Variants in MRPS28 observed in about 807,000 individuals in gnomAD.
MRPS28 encodes mitochondrial ribosomal protein S28.
MRPS28 carries 7 observed loss-of-function variants against 10.8 expected under a neutral mutation model. The observed-to-expected ratio is 0.65, with a 90% confidence interval of 0.37 to 1.22. The LOEUF is 1.22. Among genes scored for constraint, MRPS28 ranks in the 50% most tolerant of loss-of-function variants. The pLI is 0.02. For missense variants in MRPS28, 265 were observed against 232.9 expected, an observed-to-expected ratio of 1.14 and a Z score of -0.90; for synonymous variants, 121 against 93.3, an observed-to-expected ratio of 1.30 and a Z score of -1.71.
At chr8:79,955,874 C>T (rs1167847676) in intron 2 of MRPS28, among the ~76,000 whole-genome samples, 4 of 152,156 alleles carry the variant, frequency 2.6e-5, no homozygotes, top group African/African-American at 9.7e-5. Flanking sequence ...TATCACTGGA[C>T]AGTACTAAAA....
At chr8:79,963,060 T>A (rs1342393711) in intron 2 of MRPS28, among the ~76,000 whole-genome samples, 1 of 152,084 alleles carries the variant, frequency 6.6e-6, no homozygotes, top group East Asian at 1.9e-4. Context: ...CAAGGAAAAT[T>A]ACGTTATGAG....
At chr8:80,029,840 G>A (rs1474339137) in intron 1 of MRPS28, 196 bp downstream of exon 1, 2 of 1,534,354 alleles carry the variant, frequency 1.3e-6, no homozygotes, top group Admixed American at 2.0e-5. Flanking sequence ...CACACAAAAG[G>A]ACAACGAAAG....
chr8:79,997,251 T>C (rs1178033785), intron 2 of MRPS28, among the ~76,000 whole-genome samples: 2 of 152,134 alleles, frequency 1.3e-5, no homozygotes, highest in African/African-American at 2.4e-5. Context: ...CACAGAAAGG[T>C]TCATGGTAAA....
intron 2 of MRPS28, among the ~76,000 whole-genome samples, chr8:79,993,872 T>A (rs1808427012): frequency 6.6e-6 from 1 of 152,228 alleles, no homozygotes; most frequent in Non-Finnish European, 1.5e-5. Flanking sequence ...TGACCCTACA[T>A]ATCACACAAT....
At chr8:79,929,619 C>T (rs547789726) in intron 2 of MRPS28, among the ~76,000 whole-genome samples, 1 of 151,880 alleles carries the variant, frequency 6.6e-6, no homozygotes, top group African/African-American at 2.4e-5. Flanking sequence ...CCCCCACCCC[C>T]CCAAAAGCAG....
At chr8:79,955,262 T>C (rs1807176697) in intron 2 of MRPS28, among the ~76,000 whole-genome samples, 1 of 152,164 alleles carries the variant, frequency 6.6e-6, no homozygotes, top group African/African-American at 2.4e-5. Context: ...GAAAATAAAC[T>C]TATTGCTGAA....
At chr8:79,977,838 A>C (rs945966222) in intron 2 of MRPS28, among the ~76,000 whole-genome samples, 2 of 151,442 alleles carry the variant, frequency 1.3e-5, no homozygotes, top group African/African-American at 4.9e-5. Context: ...AATAATAATA[A>C]TACATAAAGA....
chr8:79,942,327 A>G (rs1003212341), intron 2 of MRPS28, among the ~76,000 whole-genome samples: 1 of 152,168 alleles, frequency 6.6e-6, no homozygotes, highest in Admixed American at 6.5e-5. Context: ...TAAAGTCACA[A>G]TTTCAAGAGA....
intron 2 of MRPS28, among the ~76,000 whole-genome samples, chr8:80,002,686 T>A (rs1808691378): frequency 6.6e-6 from 1 of 152,182 alleles, no homozygotes; most frequent in African/African-American, 2.4e-5. Context: ...AAAAAAATGG[T>A]TCCAGGCAAA....
chr8:79,970,621 G>A (rs1186084479), intron 2 of MRPS28, among the ~76,000 whole-genome samples: 1 of 152,116 alleles, frequency 6.6e-6, no homozygotes, highest in African/African-American at 2.4e-5. Flanking sequence ...AGCAACTTTT[G>A]CAATATAATC....
chr8:79,983,806 C>G (rs1448849020), intron 2 of MRPS28, among the ~76,000 whole-genome samples: 1 of 152,158 alleles, frequency 6.6e-6, no homozygotes, highest in African/African-American at 2.4e-5. Context: ...GATTGGTGTA[C>G]CTGAAAGTGA....
At position 79,930,310 on chromosome 8, in the gene MRPS28, C is replaced by T. The variant is rs79016742; in HGVS notation, c.396-11162G>A. Among the ~76,000 whole-genome samples the T allele has an allele frequency of 2.6e-5, 4 of 152,300 alleles. No homozygotes were observed. The East Asian group carries it at 7.7e-4, about 29-fold the overall frequency. ...ATCACCCTTTTCTCCTATATGAGGA[C>T]ACATGGAGCTACTGTTTTCTGTTCC... On this transcript the variant is annotated intron_variant, in intron 2 of 2. Transcript: ENST00000276585.
intron 2 of MRPS28, among the ~76,000 whole-genome samples, chr8:79,985,758 A>T (rs1227630336): frequency 3.9e-5 from 6 of 152,224 alleles, no homozygotes; most frequent in Non-Finnish European, 7.3e-5. Flanking sequence ...GACCAATAAC[A>T]GGCTCTGAAA....
intron 2 of MRPS28, among the ~76,000 whole-genome samples, chr8:79,946,588 C>T (rs915334066): frequency 1.3e-5 from 2 of 152,080 alleles, no homozygotes; most frequent in Non-Finnish European, 2.9e-5. Context: ...GAAAAAAAAT[C>T]TCTAGAATGC....
chr8:79,948,767 T>C (rs964156692), intron 2 of MRPS28, among the ~76,000 whole-genome samples: 1 of 151,760 alleles, frequency 6.6e-6, no homozygotes, highest in Non-Finnish European at 1.5e-5. Context: ...ATTACACTGA[T>C]TTTTTTTCAC....
chr8:79,944,319 G>T (rs1304066305), intron 2 of MRPS28, among the ~76,000 whole-genome samples: 1 of 152,210 alleles, frequency 6.6e-6, no homozygotes, highest in Non-Finnish European at 1.5e-5. Flanking sequence ...GAAGGAAGCA[G>T]AATTCTCCCT....
At chr8:79,973,256 T>G (rs1807683652) in intron 2 of MRPS28, among the ~76,000 whole-genome samples, 1 of 152,182 alleles carries the variant, frequency 6.6e-6, no homozygotes, top group African/African-American at 2.4e-5. Flanking sequence ...AGTTGGACTC[T>G]CAACACAGTG....
At chr8:79,946,333 T>G (rs1179060282) in intron 2 of MRPS28, among the ~76,000 whole-genome samples, 1 of 152,112 alleles carries the variant, frequency 6.6e-6, no homozygotes, top group Non-Finnish European at 1.5e-5. Context: ...GTGTATATAC[T>G]TGAAGTAAAG....
At chr8:80,023,131 A>C (rs1025541239) in intron 1 of MRPS28, among the ~76,000 whole-genome samples, 1 of 152,230 alleles carries the variant, frequency 6.6e-6, no homozygotes, top group Non-Finnish European at 1.5e-5. Context: ...TGAGACATAC[A>C]ACATTTCAAA....
Sources: gnomAD v4.1 joint callset for allele counts (sites outside exome capture counted in the v4.1 genomes callset) on GRCh38, gnomAD v4.1.1 for gene constraint, MANE v1.5 for transcripts, NCBI Gene and HGNC (gene_info 2026-07-23, HGNC 2026-07-21) for gene names.